FOXN3: variants seen among roughly 807,000 people sequenced by gnomAD.
FOXN3 encodes the protein forkhead box protein N3.
FOXN3 carries 7 observed loss-of-function variants against 38.4 expected under a neutral mutation model. The observed-to-expected ratio is 0.18, with a 90% CI of 0.10 to 0.34. FOXN3 has a LOEUF of 0.34. Ranked by LOEUF, FOXN3 falls within the 10% of genes least tolerant of loss-of-function variation. The probability of loss-of-function intolerance (pLI) is 1.00; values close to 1 mark genes in which losing one functional copy is unlikely to be tolerated. For missense variants in FOXN3, 456 were observed against 613.4 expected (o/e 0.74, Z 2.71); for synonymous variants, 230 against 242.2 (o/e 0.95, Z 0.47).
At chr14:89,575,337 G>A (rs995787824) in intron 1 of FOXN3, among the ~76,000 whole-genome samples, 5 of 152,302 alleles carry the variant, frequency 3.3e-5, no homozygotes, top group Admixed American at 6.5e-5. Context: ...ATTCATGATA[G>A]AGATGGCAGA....
At chr14:89,585,390 G>T (rs965200367) in intron 1 of FOXN3, among the ~76,000 whole-genome samples, 1 of 152,078 alleles carries the variant, frequency 6.6e-6, no homozygotes, top group African/African-American at 2.4e-5. Flanking sequence ...CTACTTATTT[G>T]TTGTTGTTTT....
At chr14:89,342,396 T>C (rs4904551) in intron 3 of FOXN3, among the ~76,000 whole-genome samples, 75,678 of 152,060 alleles carry the variant, frequency 0.5, 20,290 homozygotes, top group African/African-American at 0.72. Context: ...ATTAAACGTA[T>C]AATGAACAGC....
chr14:89,205,581 C>T (rs566236608), intron 4 of FOXN3, among the ~76,000 whole-genome samples: 6 of 152,242 alleles, frequency 3.9e-5, no homozygotes, highest in Admixed American at 2.0e-4. Flanking sequence ...AGGCCATCGA[C>T]GGCGGGACGA....
chr14:89,310,682 T>C (rs765061788), intron 3 of FOXN3, among the ~76,000 whole-genome samples: 9 of 152,172 alleles, frequency 5.9e-5, no homozygotes, highest in Non-Finnish European at 1.2e-4. Context: ...CTGCTAGCAT[T>C]TGGGCACCAT....
intron 1 of FOXN3, among the ~76,000 whole-genome samples, chr14:89,507,127 A>AC (rs1405335221): frequency 6.6e-6 from 1 of 151,558 alleles, no homozygotes; most frequent in Non-Finnish European, 1.5e-5. Flanking sequence ...ATCAATAAAA[A>AC]AAAAAAGAAA....
intron 4 of FOXN3, among the ~76,000 whole-genome samples, chr14:89,205,589 C>T (rs569443616): frequency 2.6e-4 from 40 of 152,326 alleles, no homozygotes; most frequent in African/African-American, 9.4e-4. Flanking sequence ...GACGGCGGGA[C>T]GACGCGGAAT....
chr14:89,459,459 G>A (rs1892793419), intron 1 of FOXN3, among the ~76,000 whole-genome samples: 1 of 152,140 alleles, frequency 6.6e-6, no homozygotes, highest in Non-Finnish European at 1.5e-5. Context: ...TACCATAGTG[G>A]TTACTTTACA....
At chr14:89,295,853 TC>T (rs573555981) in intron 3 of FOXN3, among the ~76,000 whole-genome samples, 1,762 of 148,108 alleles carry the variant, frequency 0.012, 43 homozygotes, top group African/African-American at 0.039. Flanking sequence ...TGCCTCAGCC[TC>T]CCAAAATACT....
chr14:89,344,948 G>C (rs1021478378), intron 3 of FOXN3, among the ~76,000 whole-genome samples: 1 of 152,130 alleles, frequency 6.6e-6, no homozygotes, highest in Non-Finnish European at 1.5e-5. Context: ...AGAGGTACGG[G>C]CAAGCAACCC....
At chr14:89,511,177 CTTT>C (rs1174506799) in intron 1 of FOXN3, among the ~76,000 whole-genome samples, 4,349 of 48,952 alleles carry the variant, frequency 0.089, 1,105 homozygotes, top group Non-Finnish European at 0.11. Context: ...TTCTTTCTTT[CTTT>C]CTTTCTTTCT....
At chr14:89,347,357 G>A (rs1013807721) in intron 3 of FOXN3, among the ~76,000 whole-genome samples, 5 of 152,094 alleles carry the variant, frequency 3.3e-5, no homozygotes, top group African/African-American at 4.8e-5. Context: ...GTGATGTTTC[G>A]ACAGGCCAAG....
At chr14:89,573,627 C>G (rs1490816420) in intron 1 of FOXN3, among the ~76,000 whole-genome samples, 1 of 152,118 alleles carries the variant, frequency 6.6e-6, no homozygotes, top group Admixed American at 6.5e-5. Flanking sequence ...TTCTAAATTG[C>G]ACTGGAAAAG....
chr14:89,607,375 A>G (rs2139948042), intron 1 of FOXN3, among the ~76,000 whole-genome samples: 1 of 152,222 alleles, frequency 6.6e-6, no homozygotes, highest in South Asian at 2.1e-4. Flanking sequence ...CCTGGCCAAC[A>G]TGGTGAAACC....
At chr14:89,524,041 G>A (rs538050761) in intron 1 of FOXN3, among the ~76,000 whole-genome samples, 3 of 149,944 alleles carry the variant, frequency 2.0e-5, no homozygotes, top group Non-Finnish European at 4.4e-5. Context: ...GATTACAGGC[G>A]TGAGCCACCA....
chr14:89,612,774 G>A (rs889390830), intron 1 of FOXN3, among the ~76,000 whole-genome samples: 6 of 151,654 alleles, frequency 4.0e-5, no homozygotes. Context: ...AGCCCTGACT[G>A]TGCCACTGCA....
chr14:89,202,771 G>A (rs572080766), intron 4 of FOXN3, among the ~76,000 whole-genome samples: 5 of 152,280 alleles, frequency 3.3e-5, no homozygotes, highest in African/African-American at 1.2e-4. Flanking sequence ...CGCATGAGTG[G>A]AGTAGTCTCA....
intron 3 of FOXN3, among the ~76,000 whole-genome samples, chr14:89,308,408 G>C (rs899375295): frequency 6.6e-6 from 1 of 152,252 alleles, no homozygotes; most frequent in Non-Finnish European, 1.5e-5. Flanking sequence ...GCACCGTTCT[G>C]TGCAGATGCA....
rs368644942 is a variant in FOXN3 at position 89,369,470 on chromosome 14, G to A, written c.544-18662C>T. Among the ~76,000 whole-genome samples the A allele has an allele frequency of 1.8e-4, 28 of 152,084 alleles. No homozygotes were observed. The East Asian group carries it at 4.4e-3, about 24-fold the overall frequency. On this transcript the variant is annotated intron_variant, in intron 2 of 5. Coordinates refer to ENST00000557258, the MANE Select transcript of FOXN3 (RefSeq NM_005197.4). ...CAAATCTAGAAGAGAGATAGTATATGTTATGATCCTACAGATAAGGAAAGG... is the reference window on the plus strand; with the variant it reads ...CAAATCTAGAAGAGAGATAGTATATATTATGATCCTACAGATAAGGAAAGG...
chr14:89,164,657 G>A lies in FOXN3; in HGVS notation c.852-1688C>T, dbSNP rs1399876476. ...GGAAGTGCGGCACAGGTGGAATCAC[G>A]TGGCTGAGAGCATGAAGCTTGGGAA... is the stretch of plus-strand genomic sequence containing the variant. On this transcript the variant is annotated intron_variant, in intron 5 of 5. Transcript: ENST00000557258. The surrounding 1 kb of genome is among the most constrained non-coding windows in gnomAD (Gnocchi z 4.3). Among the ~76,000 whole-genome samples, 1 of 152,204 alleles carries A rather than the reference G, an allele frequency of 6.6e-6. No individual in the cohort carries two copies. Among genetic ancestry groups the A allele is most frequent in the Non-Finnish European group, 1.5e-5 (1 of 68,034 alleles).
Sources: gnomAD v4.1 joint callset for allele counts (sites outside exome capture counted in the v4.1 genomes callset) on GRCh38, gnomAD v4.1.1 for gene constraint, Gnocchi (gnomAD v3.1) non-coding constraint, MANE v1.5 for transcripts, NCBI Gene and HGNC (gene_info 2026-07-23, HGNC 2026-07-21) for gene names.